SPTLC1: variants seen among roughly 807,000 people sequenced by gnomAD.
SPTLC1 encodes serine palmitoyltransferase long chain base subunit 1.
A neutral mutation model predicts 68.9 loss-of-function variants in SPTLC1; 55 were observed. The observed-to-expected ratio is 0.80, with a 90% CI of 0.64 to 1.00. The LOEUF (loss-of-function observed/expected upper bound fraction) is 1.00, where lower values mean the gene tolerates loss of function less well. Ranked by LOEUF, SPTLC1 falls within the 50% of genes least tolerant of loss-of-function variation. SPTLC1 has a pLI of 0.00. For missense variants in SPTLC1, 449 were observed against 573.1 expected (o/e 0.78, Z 2.21); for synonymous variants, 197 against 201.6 (o/e 0.98, Z 0.19).
At chr9:92,055,333 G>A (rs772390138) in intron 8 of SPTLC1, 72 bp downstream of exon 8, 3 of 1,604,276 alleles carry the variant, frequency 1.9e-6, no homozygotes, top group Middle Eastern at 1.7e-4. Flanking sequence ...TACACTAAAA[G>A]CGGTCATAAA....
intron 5 of SPTLC1, among the ~76,000 whole-genome samples, chr9:92,071,214 A>G (rs540028564): frequency 2.8e-4 from 41 of 149,056 alleles, no homozygotes; most frequent in African/African-American, 8.1e-4. Context: ...AAACGGAGAA[A>G]CCCTATCTCT....
chr9:92,032,550 A>T lies in SPTLC1; in HGVS notation c.1337T>A (p.Val446Asp). Residue 446 changes from valine (V) to aspartate (D), a missense_variant, in exon 15 of 15, where the codon GTT (valine) becomes GAT (aspartate). Physicochemically the swap from Val to Asp is radical, Grantham distance 152 (BLOSUM62 -3). Around this residue, in one of 3 missense-constraint regions of SPTLC1, gnomAD observed 391 missense variants for 472.1 expected, o/e 0.83. Coordinates refer to ENST00000262554, the MANE Select transcript of SPTLC1 (RefSeq NM_006415.4). ...EKCLPPPSIRVVVTVEQTEEE... is the reference protein window; with the variant it reads ...EKCLPPPSIRDVVTVEQTEEE... ...CTCTGTTTGTTCCACCGTGACCACAACCCGAATGCTGAGAACAGTAAAGGA... is the reference window on the plus strand; with the variant it reads ...CTCTGTTTGTTCCACCGTGACCACATCCCGAATGCTGAGAACAGTAAAGGA... The T allele has an allele frequency of 6.2e-7, 1 of 1,614,096 alleles. No homozygotes were observed. Among genetic ancestry groups the T allele is most frequent in the South Asian group, 1.1e-5 (1 of 91,076 alleles).
intron 3 of SPTLC1, among the ~76,000 whole-genome samples, chr9:92,100,681 C>T (rs1364541261): frequency 1.5e-4 from 23 of 152,090 alleles, no homozygotes; most frequent in Admixed American, 1.4e-3. Context: ...ACCCCTGTGA[C>T]TCAGTAACAC....
rs1185571850 is a variant in SPTLC1 at position 92,097,933 on chromosome 9, A to C, written c.260+10807T>G. On this transcript the variant is annotated intron_variant, in intron 3 of 14. Transcript: ENST00000262554. ...AATAAGGCTTCTGTCTAAAGGAAAA[A>C]AATCTAAGTTAATTCGCTTACTCTT... Among the ~76,000 whole-genome samples, 2 of 152,232 alleles carry C rather than the reference A, an allele frequency of 1.3e-5. 1 individual carries two copies. The highest frequency in any genetic ancestry group is 4.1e-4 in the South Asian group (2 of 4,832).
At chr9:92,096,681 T>C (rs1396349687) in intron 3 of SPTLC1, among the ~76,000 whole-genome samples, 1 of 152,056 alleles carries the variant, frequency 6.6e-6, no homozygotes, top group East Asian at 1.9e-4. Context: ...TATACAAAAA[T>C]TAACTTGAAT....
intron 6 of SPTLC1, 83 bp from the exon 7 acceptor site, chr9:92,059,391 GA>G: frequency 1.4e-6 from 2 of 1,393,778 alleles, no homozygotes; most frequent in Non-Finnish European, 2.0e-6. Flanking sequence ...TTTGTAAGCT[GA>G]CCAATCACTG....
intron 13 of SPTLC1, among the ~76,000 whole-genome samples, chr9:92,037,049 G>C (rs754299046): frequency 9.9e-5 from 15 of 152,192 alleles, no homozygotes; most frequent in Non-Finnish European, 1.9e-4. Context: ...ATTGACTCTA[G>C]AAGACCACAA....
At chr9:92,067,880 G>C in intron 6 of SPTLC1, 86 bp downstream of exon 6, 3 of 1,465,894 alleles carry the variant, frequency 2.0e-6, no homozygotes, top group Middle Eastern at 1.7e-4. Flanking sequence ...ATTTTATGCA[G>C]ATAACTTCTA....
intron 8 of SPTLC1, among the ~76,000 whole-genome samples, chr9:92,053,090 T>G (rs190906777): frequency 2.0e-5 from 3 of 150,318 alleles, no homozygotes; most frequent in African/African-American, 7.3e-5. Context: ...TGAATAGATA[T>G]GTCTCCAAAG....
intron 6 of SPTLC1, among the ~76,000 whole-genome samples, chr9:92,063,403 G>A (rs1834170999): frequency 6.6e-6 from 1 of 152,000 alleles, no homozygotes; most frequent in Non-Finnish European, 1.5e-5. Flanking sequence ...ATCTCTCCAG[G>A]CCCAGATGGT....
chr9:92,077,825 G>A (rs78782377), intron 5 of SPTLC1, among the ~76,000 whole-genome samples: 5,408 of 152,126 alleles, frequency 0.036, 130 homozygotes, highest in Non-Finnish European at 0.056. Context: ...GACCTTCTGT[G>A]GCAAGGTACT....
chr9:92,049,344 T>C (rs1260938525), intron 9 of SPTLC1, among the ~76,000 whole-genome samples: 1 of 152,204 alleles, frequency 6.6e-6, no homozygotes, highest in Non-Finnish European at 1.5e-5. Flanking sequence ...TGACTTCCTC[T>C]GCCCTGAGGC....
intron 3 of SPTLC1, among the ~76,000 whole-genome samples, chr9:92,091,002 T>C (rs930423717): frequency 6.6e-6 from 1 of 152,204 alleles, no homozygotes; most frequent in Admixed American, 6.5e-5. Flanking sequence ...GCAAATAAAC[T>C]TCTACTTTCC....
intron 3 of SPTLC1, among the ~76,000 whole-genome samples, chr9:92,089,317 G>A (rs1396144068): frequency 1.3e-5 from 2 of 152,212 alleles, no homozygotes; most frequent in Non-Finnish European, 2.9e-5. Context: ...GGAGGCTAAA[G>A]CAGGAGAATC....
At chr9:92,090,658 A>G (rs1835327951) in intron 3 of SPTLC1, among the ~76,000 whole-genome samples, 1 of 151,794 alleles carries the variant, frequency 6.6e-6, no homozygotes, top group African/African-American at 2.4e-5. Flanking sequence ...TATGTTAAGC[A>G]TGAGGAGAAG....
At chr9:92,112,377 C>T in intron 2 of SPTLC1, 78 bp downstream of exon 2, 1 of 1,036,966 alleles carries the variant, frequency 9.6e-7, no homozygotes, top group South Asian at 1.3e-5. Context: ...ATGGTTGAGC[C>T]ACCACAAATC....
chr9:92,031,968 T>C lies in SPTLC1; in HGVS notation c.*497A>G, dbSNP rs1027990513. The C allele has an allele frequency of 2.2e-5, 6 of 272,108 alleles. No homozygotes were observed. Among genetic ancestry groups the C allele is most frequent in the African/African-American group, 6.6e-5 (3 of 45,664 alleles). 16.9% of individuals were successfully genotyped at this position (272,108 alleles called of 1,614,324 possible). A position where few individuals can be genotyped will look rare whatever the true frequency, so the allele number is the denominator to read the frequency against. ...CCATTTAGCTTCACACAACGAAGAC[T>C]GGAAAATACGTGGTTTATTTAGATC... On this transcript the variant is annotated 3_prime_UTR_variant, in exon 15 of 15. Coordinates refer to ENST00000262554, the MANE Select transcript of SPTLC1 (RefSeq NM_006415.4).
chr9:92,114,889 T>G, intron 1 of SPTLC1: 1 of 194,026 alleles, frequency 5.2e-6, no homozygotes, highest in Non-Finnish European at 1.1e-5. Flanking sequence ...CAAACTCCAA[T>G]TTATTACAAT....
intron 3 of SPTLC1, among the ~76,000 whole-genome samples, chr9:92,084,455 T>G (rs1835029688): frequency 1.3e-5 from 2 of 152,364 alleles, no homozygotes; most frequent in East Asian, 3.9e-4. Flanking sequence ...GCATGAAGGT[T>G]GTTGAATTTT....
Sources: allele counts gnomAD v4.1 joint callset (sites outside exome capture counted in the v4.1 genomes callset), GRCh38; gene constraint gnomAD v4.1.1; regional missense constraint gnomAD v4.1.1; transcripts MANE v1.5; gene names NCBI Gene and HGNC (gene_info 2026-07-23, HGNC 2026-07-21).